The following DOCK4 variants were observed in gnomAD, a reference collection of about 807,000 sequenced individuals.
DOCK4 encodes dedicator of cytokinesis 4, also known as dedicator of cytokinesis protein 4.
DOCK4 carries 97 observed loss-of-function variants against 268.1 expected under a neutral mutation model. The observed-to-expected ratio is 0.36, with a 90% CI of 0.31 to 0.43. DOCK4 has a LOEUF of 0.43. Among genes scored for constraint, DOCK4 ranks in the 20% least tolerant of loss-of-function variants. DOCK4 has a pLI of 1.00. For missense variants in DOCK4, 2,145 were observed against 2,455.7 expected, an observed-to-expected ratio of 0.87 and a Z score of 2.67; for synonymous variants, 954 against 887.2, an observed-to-expected ratio of 1.08 and a Z score of -1.34.
At chr7:112,040,066 CT>C (rs1804217730) in intron 1 of DOCK4, among the ~76,000 whole-genome samples, 1 of 152,156 alleles carries the variant, frequency 6.6e-6, no homozygotes, top group Non-Finnish European at 1.5e-5. Flanking sequence ...AATAGACTCT[CT>C]CTATATGTAT....
rs762537626 is a variant in DOCK4 at position 111,732,307 on chromosome 7, T to TAAC, written c.5420-23_5420-21dup. ...GTGAAGCTGTCAATGGGGAGAGAGATAACATTTCAATTAAGAAAAACCAGA... is the reference window on the plus strand; with the variant it reads ...GTGAAGCTGTCAATGGGGAGAGAGATAACAACATTTCAATTAAGAAAAACCAGA... On this transcript the variant is annotated intron_variant, in intron 51 of 52. Transcript: ENST00000428084. The TAAC allele has an allele frequency of 1.3e-5, 21 of 1,613,060 alleles. No homozygotes were observed. The highest frequency in any genetic ancestry group is 4.2e-6 in the Non-Finnish European group (5 of 1,179,396).
At chr7:111,760,145 A>G in intron 40 of DOCK4, 36 bp downstream of exon 40, 1 of 1,606,574 alleles carries the variant, frequency 6.2e-7, no homozygotes, top group Non-Finnish European at 8.5e-7. Context: ...GAGCCAGTGC[A>G]ATCTCACTGA....
intron 31 of DOCK4, among the ~76,000 whole-genome samples, chr7:111,789,795 C>T (rs749103781): frequency 6.6e-6 from 1 of 152,124 alleles, no homozygotes; most frequent in Non-Finnish European, 1.5e-5. Context: ...TGTGGGCACA[C>T]AGGTTTGTGC....
intron 1 of DOCK4, among the ~76,000 whole-genome samples, chr7:112,176,777 T>C (rs1818555164): frequency 6.6e-6 from 1 of 152,228 alleles, no homozygotes; most frequent in South Asian, 2.1e-4. Flanking sequence ...GCTCTGAAAG[T>C]ACTGTGTTCC....
chr7:111,900,307 T>A (rs1031293350), intron 15 of DOCK4, 67 bp downstream of exon 15: 8 of 1,542,020 alleles, frequency 5.2e-6, no homozygotes, highest in African/African-American at 1.4e-5. Context: ...CACATCTTCA[T>A]GACAGCTCAG....
chr7:111,739,752 A>G (rs978555385), intron 47 of DOCK4: 3 of 442,372 alleles, frequency 6.8e-6, no homozygotes, highest in Non-Finnish European at 1.2e-5. Flanking sequence ...TCATTGAGGT[A>G]TAAGTAGAAT....
intron 5 of DOCK4, among the ~76,000 whole-genome samples, chr7:111,992,643 G>A (rs749359790): frequency 1.3e-5 from 2 of 152,054 alleles, no homozygotes; most frequent in African/African-American, 2.4e-5. Flanking sequence ...TTGAAACCTC[G>A]AACACAGGTA....
At chr7:112,085,024 G>A (rs891142119) in intron 1 of DOCK4, among the ~76,000 whole-genome samples, 1 of 152,080 alleles carries the variant, frequency 6.6e-6, no homozygotes, top group African/African-American at 2.4e-5. Context: ...TCTGACTTCA[G>A]AACAGTGCTC....
At chr7:112,067,529 T>C (rs932205525) in intron 1 of DOCK4, among the ~76,000 whole-genome samples, 1 of 152,168 alleles carries the variant, frequency 6.6e-6, no homozygotes, top group African/African-American at 2.4e-5. Flanking sequence ...ATGAAGTATT[T>C]TACATTCTCA....
chr7:111,923,786 G>C (rs1051105893), intron 12 of DOCK4, among the ~76,000 whole-genome samples: 5 of 152,032 alleles, frequency 3.3e-5, no homozygotes, highest in African/African-American at 1.2e-4. Flanking sequence ...GCTCTTAAAT[G>C]TTTATTCAGG....
chr7:111,822,580 A>G, intron 26 of DOCK4, 124 bp from the exon 27 acceptor site: 1 of 839,100 alleles, frequency 1.2e-6, no homozygotes, highest in Non-Finnish European at 1.8e-6. Flanking sequence ...GAAGGGAGCC[A>G]TAGTTTAACA....
At chr7:111,939,359 CA>C (rs1221895775) in intron 11 of DOCK4, among the ~76,000 whole-genome samples, 17 of 151,454 alleles carry the variant, frequency 1.1e-4, no homozygotes, top group Admixed American at 5.3e-4. Context: ...ACTAAAAATA[CA>C]AAAAATTAGC....
chr7:111,887,324 A>G (rs753433848), intron 16 of DOCK4, among the ~76,000 whole-genome samples: 15 of 152,226 alleles, frequency 9.9e-5, no homozygotes, highest in Non-Finnish European at 1.9e-4. Flanking sequence ...TTTGCACTAG[A>G]AAAACATATC....
chr7:111,867,384 A>C (rs1478806831), intron 22 of DOCK4, among the ~76,000 whole-genome samples: 1 of 152,144 alleles, frequency 6.6e-6, no homozygotes, highest in East Asian at 1.9e-4. Context: ...TATAGGGAAA[A>C]TATTCAGAAT....
At chr7:112,111,334 GGGAA>G (rs1340865188) in intron 1 of DOCK4, among the ~76,000 whole-genome samples, 1 of 152,090 alleles carries the variant, frequency 6.6e-6, no homozygotes, top group African/African-American at 2.4e-5. Context: ...GGAGGGGGTA[GGGAA>G]GGCCTCAGTT....
intron 12 of DOCK4, among the ~76,000 whole-genome samples, chr7:111,922,621 G>A (rs1165342488): frequency 6.6e-6 from 1 of 151,512 alleles, no homozygotes; most frequent in East Asian, 1.9e-4. Flanking sequence ...TTACTCTGTC[G>A]CCCAGGCTGG....
chr7:111,938,588 A>G (rs576414551), intron 11 of DOCK4, among the ~76,000 whole-genome samples: 2 of 152,280 alleles, frequency 1.3e-5, no homozygotes, highest in African/African-American at 2.4e-5. Context: ...GGCCAAACCC[A>G]TGTGCATTTA....
At chr7:111,872,437 C>T in intron 18 of DOCK4, 30 bp downstream of exon 18, 2 of 1,543,726 alleles carry the variant, frequency 1.3e-6, no homozygotes, top group Non-Finnish European at 1.8e-6. Flanking sequence ...TGAATCTCTG[C>T]AAGGAAAATA....
chr7:112,147,113 A>G lies in DOCK4; in HGVS notation c.37+58989T>C, dbSNP rs1815583336. Among the ~76,000 whole-genome samples the G allele has an allele frequency of 3.3e-5, 5 of 152,242 alleles. No homozygotes were observed. In the South Asian group the frequency reaches 1.0e-3, roughly 32 times the overall value. ...TATTAAAATTATTTGATGGTAATAC[A>G]GTTCTTATATAATAATGTTTATAGA... On this transcript the variant is annotated intron_variant, in intron 1 of 52. Transcript: ENST00000428084.
Sources: allele counts gnomAD v4.1 joint callset (sites outside exome capture counted in the v4.1 genomes callset), GRCh38; gene constraint gnomAD v4.1.1; transcripts MANE v1.5; gene names NCBI Gene and HGNC (gene_info 2026-07-23, HGNC 2026-07-21).